SYT2: variants seen among roughly 807,000 people sequenced by gnomAD.
SYT2 encodes the protein synaptotagmin 2.
In SYT2, 15 loss-of-function variants were observed where a neutral mutation model predicts 39.9. The observed-to-expected ratio is 0.38, with a 90% CI of 0.25 to 0.58. The LOEUF is 0.58. Ranked by LOEUF, SYT2 falls within the 20% of genes least tolerant of loss-of-function variation. The pLI, the probability that SYT2 is intolerant of heterozygous loss-of-function variation, is 0.70. For missense variants in SYT2, 389 were observed against 530.3 expected, an observed-to-expected ratio of 0.73 and a Z score of 2.62; for synonymous variants, 181 against 204.5, an observed-to-expected ratio of 0.89 and a Z score of 0.98.
At chr1:202,671,249 T>G (rs1333223971) in intron 1 of SYT2, among the ~76,000 whole-genome samples, 1 of 152,226 alleles carries the variant, frequency 6.6e-6, no homozygotes, top group African/African-American at 2.4e-5. Context: ...GCCCCTGATC[T>G]GTCAAGGCCT....
intron 1 of SYT2, among the ~76,000 whole-genome samples, chr1:202,624,472 G>A (rs1332033100): frequency 6.7e-6 from 1 of 150,312 alleles, no homozygotes; most frequent in Non-Finnish European, 1.5e-5. Flanking sequence ...GTTGTGTGTA[G>A]TGAGGTGTGT....
chr1:202,682,317 C>T (rs1302717546), intron 1 of SYT2, among the ~76,000 whole-genome samples: 3 of 152,184 alleles, frequency 2.0e-5, no homozygotes, highest in African/African-American at 7.2e-5. Flanking sequence ...GGCTCAAACA[C>T]GCCCCCACAG....
intron 1 of SYT2, among the ~76,000 whole-genome samples, chr1:202,611,226 T>C (rs900106654): frequency 2.0e-5 from 3 of 152,258 alleles, no homozygotes; most frequent in African/African-American, 7.2e-5. Flanking sequence ...TTAAAATATT[T>C]TGTCTTTTTA....
chr1:202,663,007 C>T (rs1045856327), intron 1 of SYT2, among the ~76,000 whole-genome samples: 3 of 152,166 alleles, frequency 2.0e-5, no homozygotes, highest in African/African-American at 7.2e-5. Flanking sequence ...CTTGGATATG[C>T]TTAGCAATGT....
chr1:202,639,917 T>C, intron 1 of SYT2: 1 of 864,642 alleles, frequency 1.2e-6, no homozygotes. Context: ...CTCTCTGTGA[T>C]AACATAGAAC....
At chr1:202,644,217 A>C (rs1181501704) in intron 1 of SYT2, among the ~76,000 whole-genome samples, 1 of 152,038 alleles carries the variant, frequency 6.6e-6, no homozygotes, top group Non-Finnish European at 1.5e-5. Flanking sequence ...ATGGAGGGGT[A>C]CGGGTGTGGG....
At chr1:202,631,958 G>T in intron 1 of SYT2, 2 of 888,254 alleles carry the variant, frequency 2.3e-6, no homozygotes, top group Non-Finnish European at 2.7e-6. Context: ...CATTCGCCAG[G>T]CCCTGCTGGT....
chr1:202,690,945 C>G (rs1653802440), intron 1 of SYT2, among the ~76,000 whole-genome samples: 1 of 152,044 alleles, frequency 6.6e-6, no homozygotes, highest in Non-Finnish European at 1.5e-5. Context: ...CTTTTCAGGT[C>G]CAGACTTGAC....
chr1:202,700,712 G>A (rs1056897543), intron 1 of SYT2, among the ~76,000 whole-genome samples: 1 of 152,156 alleles, frequency 6.6e-6, no homozygotes, highest in African/African-American at 2.4e-5. Flanking sequence ...TTTACTAGAA[G>A]GTAGCTAGAG....
At chr1:202,632,405 G>A (rs1691619227) in intron 1 of SYT2, 1 of 266,732 alleles carries the variant, frequency 3.7e-6, no homozygotes, top group Non-Finnish European at 5.8e-6. Flanking sequence ...ATGGGGAGCT[G>A]GGGATGAGAC....
chr1:202,674,636 G>C (rs1447975603), intron 1 of SYT2, among the ~76,000 whole-genome samples: 2 of 152,144 alleles, frequency 1.3e-5, no homozygotes, highest in East Asian at 3.8e-4. Context: ...CCAGCCTAAG[G>C]ATTCTTTTCA....
Position 202,698,410 on chromosome 1 carries a change from G to A in SYT2, c.-18+11848C>T, listed in dbSNP as rs774590175. ...TAGACATCTGACCTCGTCTGAAGGC[G>A]GTTCCTCCACCATCCTGCAGAGCCT... is the stretch of plus-strand genomic sequence containing the variant. On this transcript the variant is annotated intron_variant, in intron 1 of 8. Transcript: ENST00000367268. Among the ~76,000 whole-genome samples the A allele has an allele frequency of 2.6e-4, 40 of 152,180 alleles. 1 individual carries two copies. The highest frequency in any genetic ancestry group is 1.0e-3 in the South Asian group (5 of 4,808).
intron 1 of SYT2, among the ~76,000 whole-genome samples, chr1:202,644,732 G>T (rs75753117): frequency 6.6e-6 from 1 of 152,112 alleles, no homozygotes; most frequent in Admixed American, 6.5e-5. Context: ...TGTGTGTTGG[G>T]GGGGGCAGTC....
intron 1 of SYT2, among the ~76,000 whole-genome samples, chr1:202,624,768 TGTG>T (rs1321842557): frequency 7.5e-6 from 1 of 132,884 alleles, no homozygotes; most frequent in Non-Finnish European, 1.6e-5. Flanking sequence ...GTGTGTGTGG[TGTG>T]TGGTGTGTGT....
chr1:202,682,453 G>A (rs1294266793), intron 1 of SYT2, among the ~76,000 whole-genome samples: 1 of 152,238 alleles, frequency 6.6e-6, no homozygotes, highest in African/African-American at 2.4e-5. Context: ...AGATGGACAA[G>A]AAGGGCACAG....
intron 1 of SYT2, among the ~76,000 whole-genome samples, chr1:202,708,313 GTC>G (rs1654302337): frequency 1.3e-5 from 2 of 152,062 alleles, no homozygotes; most frequent in African/African-American, 2.4e-5. Context: ...GAGTGGTCTG[GTC>G]TCTCTTCCTC....
At chr1:202,613,359 G>A (rs1268759998) in intron 1 of SYT2, among the ~76,000 whole-genome samples, 1 of 152,140 alleles carries the variant, frequency 6.6e-6, no homozygotes, top group African/African-American at 2.4e-5. Flanking sequence ...GGGATTACAG[G>A]CATCAGCCAC....
chr1:202,660,507 T>C (rs965738799), intron 1 of SYT2, among the ~76,000 whole-genome samples: 2 of 152,212 alleles, frequency 1.3e-5, no homozygotes, highest in Non-Finnish European at 2.9e-5. Flanking sequence ...TTGAAAATCT[T>C]CTGGAAACTT....
At chr1:202,622,582 C>G (rs1691233516) in intron 1 of SYT2, among the ~76,000 whole-genome samples, 1 of 152,190 alleles carries the variant, frequency 6.6e-6, no homozygotes, top group African/African-American at 2.4e-5. Flanking sequence ...TGATGGGCGC[C>G]TCAGAATCCA....
Sources: allele counts gnomAD v4.1 joint callset (sites outside exome capture counted in the v4.1 genomes callset), GRCh38; gene constraint gnomAD v4.1.1; transcripts MANE v1.5; gene names NCBI Gene and HGNC (gene_info 2026-07-23, HGNC 2026-07-21).